XKR9: variants seen among roughly 807,000 people sequenced by gnomAD.
The protein encoded by XKR9 is XK-related protein 9.
In XKR9, 32 loss-of-function variants were observed where a neutral mutation model predicts 32.0. The observed-to-expected ratio is 1.00, with a 90% confidence interval of 0.76 to 1.34. The LOEUF is 1.34. Ranked by LOEUF, XKR9 falls within the 40% of genes most tolerant of loss-of-function variation. The pLI is 0.00. For missense variants in XKR9, 546 were observed against 429.7 expected (o/e 1.27, Z -2.39); for synonymous variants, 168 against 143.4 (o/e 1.17, Z -1.22).
chr8:70,738,780 T>G (rs1278409577), downstream of XKR9, among the ~76,000 whole-genome samples: 1 of 152,238 alleles, frequency 6.6e-6, no homozygotes, highest in Non-Finnish European at 1.5e-5. Context: ...TTGAGTGGTT[T>G]TGAGTGAGTT....
chr8:70,758,580 GGAATCAGA>G (rs1486786582), intron 2 of XKR9, among the ~76,000 whole-genome samples: 1 of 152,144 alleles, frequency 6.6e-6, no homozygotes, highest in East Asian at 1.9e-4. Flanking sequence ...CAGATAATGT[GGAATCAGA>G]GATGCTCTGG....
the XKR9 span, among the ~76,000 whole-genome samples, chr8:70,861,261 T>C: frequency 6.5e-3 from 988 of 152,276 alleles, 3 homozygotes; most frequent in Non-Finnish European, 9.4e-3. Context: ...TTTCCTCCAC[T>C]CGGTAGTTGT....
At chr8:70,782,134 A>C (rs1807625675) in intron 2 of XKR9, among the ~76,000 whole-genome samples, 1 of 133,080 alleles carries the variant, frequency 7.5e-6, no homozygotes, top group Non-Finnish European at 1.8e-5. Context: ...AGTCTGATGG[A>C]AACATGTAGG....
the XKR9 span, among the ~76,000 whole-genome samples, chr8:70,818,526 G>C: frequency 6.6e-6 from 1 of 152,058 alleles, no homozygotes; most frequent in East Asian, 1.9e-4. Context: ...CAAATAACTA[G>C]TGCCTGACAT....
At chr8:70,703,612 G>A (rs1400953181) in intron 3 of XKR9, among the ~76,000 whole-genome samples, 1 of 152,056 alleles carries the variant, frequency 6.6e-6, no homozygotes, top group African/African-American at 2.4e-5. Context: ...GAATTTTGAG[G>A]TAACCCAGAC....
the XKR9 span, among the ~76,000 whole-genome samples, chr8:70,849,916 C>G: frequency 6.6e-6 from 1 of 151,580 alleles, no homozygotes; most frequent in African/African-American, 2.4e-5. Flanking sequence ...AAAACAAAAC[C>G]AGGAAGAAGT....
chr8:70,947,422 TGA>T, the XKR9 span, among the ~76,000 whole-genome samples: 1 of 152,212 alleles, frequency 6.6e-6, no homozygotes, highest in Admixed American at 6.5e-5. Flanking sequence ...AAAGGAAGAA[TGA>T]GAGGGACATT....
the XKR9 span, among the ~76,000 whole-genome samples, chr8:70,878,608 T>C: frequency 6.6e-6 from 1 of 152,094 alleles, no homozygotes; most frequent in Non-Finnish European, 1.5e-5. Context: ...GAGCTAACTA[T>C]CCTAAATATA....
the XKR9 span, among the ~76,000 whole-genome samples, chr8:71,053,600 C>A: frequency 6.6e-6 from 1 of 151,478 alleles, no homozygotes; most frequent in African/African-American, 2.4e-5. Context: ...CTGATTGACA[C>A]CTACTCCCTC....
At chr8:70,722,625 C>T (rs1806320048) in intron 4 of XKR9, among the ~76,000 whole-genome samples, 1 of 152,074 alleles carries the variant, frequency 6.6e-6, no homozygotes, top group Admixed American at 6.5e-5. Context: ...ATATTGGCTC[C>T]CACTGTGTTC....
At chr8:70,819,762 A>G in the XKR9 span, among the ~76,000 whole-genome samples, 358 of 152,346 alleles carry the variant, frequency 2.3e-3, no homozygotes, top group African/African-American at 8.4e-3. Context: ...CTGTAAAGAA[A>G]AAGTTGACAT....
intron 4 of XKR9, among the ~76,000 whole-genome samples, 187 bp downstream of exon 4, chr8:70,707,340 A>G (rs1470541341): frequency 6.6e-6 from 1 of 152,104 alleles, no homozygotes; most frequent in Non-Finnish European, 1.5e-5. Context: ...TCATCTGCCC[A>G]GAAAGAAAAC....
chr8:70,827,197 A>C, the XKR9 span, among the ~76,000 whole-genome samples: 1 of 152,168 alleles, frequency 6.6e-6, no homozygotes, highest in Admixed American at 6.5e-5. Context: ...ATAGTGTTAT[A>C]TGTATATACA....
At chr8:71,030,109 T>G in the XKR9 span, among the ~76,000 whole-genome samples, 1 of 152,202 alleles carries the variant, frequency 6.6e-6, no homozygotes, top group Non-Finnish European at 1.5e-5. Flanking sequence ...CATTTATATT[T>G]TATTTGTTCT....
chr8:70,826,710 C>A, the XKR9 span, among the ~76,000 whole-genome samples: 1 of 152,026 alleles, frequency 6.6e-6, no homozygotes, highest in Non-Finnish European at 1.5e-5. Context: ...ATCCCTGTAC[C>A]ATTCTCAAAT....
At chr8:70,700,157 C>T (rs940340380) in intron 3 of XKR9, among the ~76,000 whole-genome samples, 5 of 152,088 alleles carry the variant, frequency 3.3e-5, no homozygotes, top group Admixed American at 6.5e-5. Context: ...GTAGTTTGAT[C>T]GTCTGAAGCC....
the XKR9 span, among the ~76,000 whole-genome samples, chr8:70,891,073 G>T: frequency 3.3e-4 from 50 of 151,734 alleles, no homozygotes; most frequent in African/African-American, 1.0e-3. Context: ...TTTTTAGTTT[G>T]TTGGCATATA....
At chr8:70,865,499 G>A in the XKR9 span, among the ~76,000 whole-genome samples, 2 of 151,516 alleles carry the variant, frequency 1.3e-5, no homozygotes, top group Non-Finnish European at 2.9e-5. Flanking sequence ...AAATAATTTT[G>A]CAATTGTATT....
the XKR9 span, among the ~76,000 whole-genome samples, chr8:70,897,406 T>A: frequency 6.6e-6 from 1 of 152,284 alleles, no homozygotes; most frequent in East Asian, 1.9e-4. Context: ...TACCCAGCAG[T>A]GAATTCCTGA....
Sources: allele counts gnomAD v4.1 joint callset (sites outside exome capture counted in the v4.1 genomes callset), GRCh38; gene constraint gnomAD v4.1.1; transcripts MANE v1.5; gene names NCBI Gene and HGNC (gene_info 2026-07-23, HGNC 2026-07-21).